LDLRAD3: variants seen among roughly 807,000 people sequenced by gnomAD.
LDLRAD3 encodes the protein low density lipoprotein receptor class A domain containing 3, also known as low-density lipoprotein receptor class A domain-containing protein 3.
A neutral mutation model predicts 29.4 loss-of-function variants in LDLRAD3; 20 were observed. That is an observed-to-expected ratio of 0.68 (90% CI 0.48 to 0.99). The LOEUF (loss-of-function observed/expected upper bound fraction) is 0.99, where lower values mean the gene tolerates loss of function less well. Ranked by LOEUF, LDLRAD3 falls within the 50% of genes least tolerant of loss-of-function variation. LDLRAD3 has a pLI of 0.00. For missense variants in LDLRAD3, 420 were observed against 454.3 expected, an observed-to-expected ratio of 0.92 and a Z score of 0.69; for synonymous variants, 157 against 192.7, an observed-to-expected ratio of 0.81 and a Z score of 1.53.
intron 1 of LDLRAD3, among the ~76,000 whole-genome samples, chr11:36,022,266 G>A (rs1188824697): frequency 2.6e-5 from 4 of 151,984 alleles, no homozygotes; most frequent in South Asian, 2.1e-4. Flanking sequence ...ATGAAATGAC[G>A]TGTTATGTAC....
chr11:36,145,232 C>T (rs79185770), intron 4 of LDLRAD3, among the ~76,000 whole-genome samples: 10 of 93,554 alleles, frequency 1.1e-4, no homozygotes, highest in South Asian at 4.4e-4. Flanking sequence ...ACCCGCCAGC[C>T]GCCCCGTCCG....
chr11:36,034,705 C>G (rs1852281394), intron 1 of LDLRAD3, among the ~76,000 whole-genome samples: 3 of 152,152 alleles, frequency 2.0e-5, no homozygotes, highest in African/African-American at 7.2e-5. Flanking sequence ...TAGTATCACC[C>G]CAGTGGTACT....
chr11:36,146,476 A>G (rs1854195678), intron 4 of LDLRAD3, among the ~76,000 whole-genome samples: 1 of 152,204 alleles, frequency 6.6e-6, no homozygotes, highest in African/African-American at 2.4e-5. Flanking sequence ...TATATTGTAT[A>G]TTGGTTTCCT....
chr11:36,062,193 T>C (rs1299022034), intron 2 of LDLRAD3, among the ~76,000 whole-genome samples: 1 of 152,180 alleles, frequency 6.6e-6, no homozygotes, highest in Non-Finnish European at 1.5e-5. Flanking sequence ...TTGATTTCTA[T>C]GATAAAAATA....
intron 2 of LDLRAD3, among the ~76,000 whole-genome samples, chr11:36,071,967 G>A (rs542292570): frequency 1.8e-4 from 27 of 152,310 alleles, no homozygotes; most frequent in African/African-American, 6.0e-4. Context: ...GTGGCAATTT[G>A]TTATAAATTT....
At chr11:36,183,027 G>A (rs2133358749) in intron 4 of LDLRAD3, among the ~76,000 whole-genome samples, 1 of 152,294 alleles carries the variant, frequency 6.6e-6, no homozygotes, top group Non-Finnish European at 1.5e-5. Flanking sequence ...CTATCCAGTT[G>A]GGACCACAAT....
chr11:36,181,005 G>A (rs899887820), intron 4 of LDLRAD3, among the ~76,000 whole-genome samples: 1 of 152,114 alleles, frequency 6.6e-6, no homozygotes, highest in Non-Finnish European at 1.5e-5. Flanking sequence ...CAGGAACTCA[G>A]CTAGGGATAT....
intron 4 of LDLRAD3, among the ~76,000 whole-genome samples, chr11:36,215,277 G>A (rs1053864609): frequency 6.6e-6 from 1 of 152,214 alleles, no homozygotes; most frequent in African/African-American, 2.4e-5. Flanking sequence ...AGGGCCTGGA[G>A]GCCATGTTAA....
At position 36,124,197 on chromosome 11, in the gene LDLRAD3, A is replaced by G. The variant is rs188852914; in HGVS notation, c.454+25736A>G. On this transcript the variant is annotated intron_variant, in intron 4 of 5. Coordinates refer to ENST00000315571, the MANE Select transcript of LDLRAD3 (RefSeq NM_174902.4). ...TACAAGAAGTATTGATCACAAATTA[A>G]TTTGGCCTCATTCCTTCTCCTTTTT... 3.3e-5 allele frequency among the ~76,000 whole-genome samples: 5 copies of G among 152,318 alleles called. No homozygotes were observed. The East Asian group carries it at 9.7e-4, about 29-fold the overall frequency.
At position 36,059,290 on chromosome 11, in the gene LDLRAD3, G is replaced by A. The variant is rs182361424; in HGVS notation, c.194-22363G>A. 1.8e-3 allele frequency among the ~76,000 whole-genome samples: 271 copies of A among 151,438 alleles called. 1 individual carries two copies. Among genetic ancestry groups the A allele is most frequent in the Middle Eastern group, 0.01 (3 of 292 alleles). On this transcript the variant is annotated intron_variant, in intron 2 of 5. Transcript: ENST00000315571. ...GGGGCACACTTGAGCATGAGAGGTT[G>A]AGGCAGCAGTGAGCCATGATTGTAC...
chr11:35,977,156 C>T (rs1356173553), intron 1 of LDLRAD3, among the ~76,000 whole-genome samples: 1 of 152,120 alleles, frequency 6.6e-6, no homozygotes, highest in Non-Finnish European at 1.5e-5. Context: ...GGACCCAGCT[C>T]CCCCTCTTAC....
intron 1 of LDLRAD3, among the ~76,000 whole-genome samples, chr11:35,946,118 T>G (rs1324769410): frequency 6.6e-6 from 1 of 152,202 alleles, no homozygotes; most frequent in Non-Finnish European, 1.5e-5. Context: ...GAAACAGGGC[T>G]GGTCCTTTTT....
intron 4 of LDLRAD3, among the ~76,000 whole-genome samples, chr11:36,103,490 C>T (rs570824490): frequency 4.7e-4 from 71 of 152,258 alleles, no homozygotes; most frequent in South Asian, 1.5e-3. Context: ...CCGCCCGCCT[C>T]GGCCTCCCAA....
intron 4 of LDLRAD3, among the ~76,000 whole-genome samples, chr11:36,202,478 T>C (rs1344625474): frequency 6.6e-6 from 1 of 152,230 alleles, no homozygotes; most frequent in Non-Finnish European, 1.5e-5. Flanking sequence ...ATCTTTCATC[T>C]TCCTAGTCAC....
chr11:36,149,846 G>A (rs1461774529), intron 4 of LDLRAD3, among the ~76,000 whole-genome samples: 1 of 152,140 alleles, frequency 6.6e-6, no homozygotes, highest in African/African-American at 2.4e-5. Flanking sequence ...CATGACTCAT[G>A]AATGTGTTCC....
intron 4 of LDLRAD3, among the ~76,000 whole-genome samples, chr11:36,175,143 A>G (rs1854657467): frequency 6.6e-6 from 1 of 152,182 alleles, no homozygotes; most frequent in Non-Finnish European, 1.5e-5. Flanking sequence ...TTCCTCAAGG[A>G]TCTAGAACTA....
intron 4 of LDLRAD3, among the ~76,000 whole-genome samples, chr11:36,202,030 C>A (rs542736911): frequency 1.4e-5 from 2 of 144,366 alleles, no homozygotes; most frequent in East Asian, 4.2e-4. Flanking sequence ...TCCTTGGGTA[C>A]TTCCTGGGGA....
At chr11:35,971,953 C>T (rs1851417766) in intron 1 of LDLRAD3, among the ~76,000 whole-genome samples, 1 of 152,080 alleles carries the variant, frequency 6.6e-6, no homozygotes, top group Admixed American at 6.5e-5. Flanking sequence ...ATGGTGGCTC[C>T]ATTCACTGGT....
chr11:35,998,702 C>G (rs1851785588), intron 1 of LDLRAD3, among the ~76,000 whole-genome samples: 1 of 152,108 alleles, frequency 6.6e-6, no homozygotes, highest in Non-Finnish European at 1.5e-5. Context: ...TCTGATGGCT[C>G]CAGGAATCCT....
Sources: gnomAD v4.1 joint callset for allele counts (sites outside exome capture counted in the v4.1 genomes callset) on GRCh38, gnomAD v4.1.1 for gene constraint, MANE v1.5 for transcripts, NCBI Gene and HGNC (gene_info 2026-07-23, HGNC 2026-07-21) for gene names.